NXNL1: variants seen among roughly 807,000 people sequenced by gnomAD.
NXNL1 encodes the protein nucleoredoxin-like protein 1.
Under a neutral mutation model 7.2 loss-of-function variants are expected in NXNL1, and 6 were observed. The ratio of observed to expected loss-of-function variants is 0.83; its 90% CI spans 0.46 to 1.64. NXNL1 has a LOEUF of 1.64. NXNL1 is among the 40% of genes most tolerant of loss of function. The pLI, the probability that NXNL1 is intolerant of heterozygous loss-of-function variation, is 0.01. For synonymous variants in NXNL1, 133 were observed against 127.2 expected, an observed-to-expected ratio of 1.05 and a Z score of -0.31; for missense variants, 308 against 285.1, an observed-to-expected ratio of 1.08 and a Z score of -0.58.
At chr19:17,459,015 C>A (rs1318465897) in intron 1 of NXNL1, among the ~76,000 whole-genome samples, 9 of 152,110 alleles carry the variant, frequency 5.9e-5, no homozygotes, top group Non-Finnish European at 1.2e-4. Context: ...CCTGCCTCAG[C>A]CTCCAAAAGT....
rs545840371 is a variant in NXNL1, at chr19:17,455,470, CTT to C, written c.*175_*176del. 2.4e-5 allele frequency: 14 copies of C among 590,050 alleles called. No homozygotes were observed. Among genetic ancestry groups the C allele is most frequent in the Non-Finnish European group, 4.2e-5 (14 of 333,328 alleles). The allele number at this position is 590,050 out of a possible 1,614,324, so 36.6% of individuals were successfully genotyped here. A position where few individuals can be genotyped will look rare whatever the true frequency, so the allele number is the denominator to read the frequency against. The stretch of plus-strand genomic sequence containing the variant: ...GGTGCGCGCCACCACACCGGGCTAA[CTT>C]TTAATTTTCGTAGAGTCAGGGTCTC... On this transcript the variant is annotated 3_prime_UTR_variant, in exon 2 of 2. Coordinates refer to ENST00000301944, the MANE Select transcript of NXNL1 (RefSeq NM_138454.2).
rs559429857 is a variant in NXNL1, at chr19:17,456,188, T to G, written c.327-229A>C. ...AACCTCGGGGCATTTGTGCTGGCTG[T>G]GCCCACGTCTGGAGCGCTCTCCTCA... On this transcript the variant is annotated intron_variant, in intron 1 of 1. Coordinates refer to ENST00000301944, the MANE Select transcript of NXNL1 (RefSeq NM_138454.2). 2.0e-5 allele frequency among the ~76,000 whole-genome samples: 3 copies of G among 152,176 alleles called. No homozygotes were observed. The East Asian group carries it at 5.8e-4, about 29-fold the overall frequency.
chr19:17,455,691 C>CCCCGGG lies in NXNL1; in HGVS notation c.594_595insCCCGGG (p.Pro198_Gly199insProGly). 18 of 1,513,670 alleles carry CCCCGGG rather than the reference C, an allele frequency of 1.2e-5. No homozygotes were observed. Among genetic ancestry groups the CCCCGGG allele is most frequent in the Non-Finnish European group, 1.6e-5 (18 of 1,130,258 alleles). The allele number at this position is 1,513,670 out of a possible 1,614,324, so 93.8% of individuals were successfully genotyped here. A position where few individuals can be genotyped will look rare whatever the true frequency, so the allele number is the denominator to read the frequency against. On this transcript the variant is annotated inframe_insertion, in exon 2 of 2. Coordinates refer to ENST00000301944, the MANE Select transcript of NXNL1 (RefSeq NM_138454.2). ...CCGCCCTCCTCCCCACCCCCTCCCC[C>CCCCGGG]GGGGTCGCGCCCGCCTCGCGCCGCC...
Position 17,460,710 on chromosome 19 carries a change from G to A in NXNL1, c.160C>T (p.Leu54Phe). The change falls in exon 1 of 2, where the codon CTC (leucine) becomes TTC (phenylalanine). Residue 54 changes from leucine to phenylalanine, a missense_variant. Leu to Phe is a conservative substitution (Grantham distance 22). Coordinates refer to ENST00000301944, the MANE Select transcript of NXNL1 (RefSeq NM_138454.2). ...GTGAGCCGCACGAAGAAGTCCTTGA[G>A]GATGGGCACGAAGGCCTGGCACTGT... Reference protein sequence around the residue: ...CPQCQAFVPILKDFFVRLTDE... With the variant: ...CPQCQAFVPIFKDFFVRLTDE... 2 of 1,613,872 alleles carry A rather than the reference G, an allele frequency of 1.2e-6. No individual in the cohort carries two copies. Among genetic ancestry groups the A allele is most frequent in the Non-Finnish European group, 1.7e-6 (2 of 1,180,044 alleles).
chr19:17,455,747 C>T lies in NXNL1; in HGVS notation c.539G>A (p.Cys180Tyr), dbSNP rs1209257168. Residue 180 changes from cysteine to tyrosine, a missense_variant, in exon 2 of 2, where the codon TGC (cysteine) becomes TAC (tyrosine). Coordinates refer to ENST00000301944, the MANE Select transcript of NXNL1 (RefSeq NM_138454.2). ...CACGCGGTACTTGTGGCGGCGCAGG[C>T]ACTCGGTGAGGCTCCGTGGCTCCTG... ...EDQEPRSLTE[C>Y]LRRHKYRVEK... 6.6e-7 allele frequency: 1 copy of T among 1,517,398 alleles called. No homozygotes were observed. The highest frequency in any genetic ancestry group is 8.8e-7 in the Non-Finnish European group (1 of 1,135,294). 94.0% of individuals were successfully genotyped at this position (1,517,398 alleles called of 1,614,324 possible).
Position 17,455,972 on chromosome 19 carries a change from C to T in NXNL1, c.327-13G>A. On this transcript the variant is annotated splice_polypyrimidine_tract_variant and intron_variant, in intron 1 of 1. Transcript: ENST00000301944. Reference sequence around the variant, plus strand: ...GCGCCCGAGGTCCCTGCGGAGCGGGCAGGTCAGTCTGGACGGATCCACATC... The same window carrying T: ...GCGCCCGAGGTCCCTGCGGAGCGGGTAGGTCAGTCTGGACGGATCCACATC... 1 of 1,597,556 alleles carries T rather than the reference C, an allele frequency of 6.3e-7. No homozygotes were observed. The highest frequency in any genetic ancestry group is 8.5e-7 in the Non-Finnish European group (1 of 1,179,524).
In NXNL1 at chr19:17,455,689, C is replaced by T. The variant is rs1418307087; in HGVS notation, c.597G>A (p.Gly199=). ...EKAARGGRDP[G]GGGGEEGGAG... is the part of the protein sequence containing the mutation. ...CCCCGCCCTCCTCCCCACCCCCTCCCCCGGGGTCGCGCCCGCCTCGCGCCG... is the reference window on the plus strand; with the variant it reads ...CCCCGCCCTCCTCCCCACCCCCTCCTCCGGGGTCGCGCCCGCCTCGCGCCG... Residue 199 remains glycine (G), a synonymous_variant, in exon 2 of 2, where the codon GGG becomes GGA. Coordinates refer to ENST00000301944, the MANE Select transcript of NXNL1 (RefSeq NM_138454.2). 17 of 1,524,264 alleles carry T rather than the reference C, an allele frequency of 1.1e-5. No homozygotes were observed. Among genetic ancestry groups the T allele is most frequent in the Non-Finnish European group, 1.4e-5 (16 of 1,139,040 alleles). 94.4% of individuals were successfully genotyped at this position (1,524,264 alleles called of 1,614,324 possible). A position where few individuals can be genotyped will look rare whatever the true frequency, so the allele number is the denominator to read the frequency against.
chr19:17,455,881 G>A lies in NXNL1; in HGVS notation c.405C>T (p.Arg135=), dbSNP rs776818552. 1 of 1,591,816 alleles carries A rather than the reference G, an allele frequency of 6.3e-7. No individual in the cohort carries two copies. Among genetic ancestry groups the A allele is most frequent in the Admixed American group, 1.7e-5 (1 of 59,186 alleles). ...GGCGCTGGATCTCGTCGGCGCCGTC[G>A]CGAGTGAGCACGTCCCCGTCCGGCT... ...VLKPDGDVLT[R]DGADEIQRLG... The change falls in exon 2 of 2, where the codon CGC becomes CGT. Residue 135 remains arginine, a synonymous_variant. Transcript: ENST00000301944.
Position 17,455,560 on chromosome 19 carries a change from C to G in NXNL1, c.*87G>C, listed in dbSNP as rs2074988776. ...AAGCGATCCTCCCGCCTTGGCCTCC[C>G]CAAGTGCTGGGATTACAGGCGTGCG... is the stretch of plus-strand genomic sequence containing the variant. On this transcript the variant is annotated 3_prime_UTR_variant, in exon 2 of 2. Transcript: ENST00000301944. 1 of 838,902 alleles carries G rather than the reference C, an allele frequency of 1.2e-6. No homozygotes were observed. The highest frequency in any genetic ancestry group is 2.7e-5 in the Admixed American group (1 of 37,254). 52.0% of individuals were successfully genotyped at this position (838,902 alleles called of 1,614,324 possible).
intron 1 of NXNL1, 113 bp downstream of exon 1, chr19:17,460,431 C>T: frequency 8.7e-7 from 1 of 1,156,022 alleles, no homozygotes. Flanking sequence ...CCCCCTAGTT[C>T]CCAGTATATG....
rs192929983 is a variant in NXNL1, at chr19:17,455,911, C to T, written c.375G>A (p.Val125=). Residue 125 remains valine (V), a synonymous_variant, in exon 2 of 2, where the codon GTG becomes GTA. Coordinates refer to ENST00000301944, the MANE Select transcript of NXNL1 (RefSeq NM_138454.2). ...FSVERLPAVV[V]LKPDGDVLTR... ...TGAGCACGTCCCCGTCCGGCTTGAG[C>T]ACCACGACCGCCGGCAGGCGCTCCA... 14 of 1,595,390 alleles carry T rather than the reference C, an allele frequency of 8.8e-6. No individual in the cohort carries two copies. In the Admixed American group the frequency reaches 1.3e-4, roughly 15 times the overall value.
intron 1 of NXNL1, among the ~76,000 whole-genome samples, chr19:17,460,022 G>T (rs1464138109): frequency 6.6e-6 from 1 of 150,422 alleles, no homozygotes; most frequent in Non-Finnish European, 1.5e-5. Context: ...TTTGTTTTTT[G>T]ATTTTTTAGA....
chr19:17,457,166 G>A (rs537390160), intron 1 of NXNL1, among the ~76,000 whole-genome samples: 13 of 151,642 alleles, frequency 8.6e-5, no homozygotes, highest in African/African-American at 3.1e-4. Context: ...GGGAGGCCGA[G>A]GTGGGAGGAT....
Position 17,455,675 on chromosome 19 carries a change from T to TCCCCCCCC in NXNL1, c.610_611insGGGGGGGG (p.Glu204GlyfsTer63). The TCCCCCCCC allele has an allele frequency of 4.9e-6, 2 of 404,328 alleles. No homozygotes were observed. The highest frequency in any genetic ancestry group is 3.5e-6 in the Non-Finnish European group (1 of 286,128). The allele number at this position is 404,328 out of a possible 1,614,324, so 25.0% of individuals were successfully genotyped here. A position where few individuals can be genotyped will look rare whatever the true frequency, so the allele number is the denominator to read the frequency against. ...GAACAGCCCCCCGGCCCCGCCCTCCTCCCCACCCCCTCCCCCGGGGTCGCG... is the reference window on the plus strand; with the variant it reads ...GAACAGCCCCCCGGCCCCGCCCTCCTCCCCCCCCCCCCACCCCCTCCCCCGGGGTCGCG... On this transcript the variant is annotated frameshift_variant, in exon 2 of 2. Transcript: ENST00000301944. LOFTEE classifies it high-confidence loss of function.
rs746563428 is a variant in NXNL1, at chr19:17,455,948, C to T, written c.338G>A (p.Arg113His). The T allele has an allele frequency of 6.3e-7, 1 of 1,597,450 alleles. No homozygotes were observed. Among genetic ancestry groups the T allele is most frequent in the Non-Finnish European group, 8.5e-7 (1 of 1,179,414 alleles). ...CGGCAGGCGCTCCACTGAGAACTGG[C>T]GCCCGAGGTCCCTGCGGAGCGGGCA... ...FEDDLRRDLGRQFSVERLPAV... is the reference protein window; with the variant it reads ...FEDDLRRDLGHQFSVERLPAV... The change falls in exon 2 of 2, where the codon CGC becomes CAC. Residue 113 changes from arginine to histidine, a missense_variant. Coordinates refer to ENST00000301944, the MANE Select transcript of NXNL1 (RefSeq NM_138454.2).
chr19:17,460,689 GC>G lies in NXNL1; in HGVS notation c.180del (p.Leu61SerfsTer47). 6.2e-7 allele frequency: 1 copy of G among 1,613,838 alleles called. No individual in the cohort carries two copies. Among genetic ancestry groups the G allele is most frequent in the East Asian group, 2.2e-5 (1 of 44,872 alleles). On this transcript the variant is annotated frameshift_variant, in exon 1 of 2. Transcript: ENST00000301944. LOFTEE classifies it high-confidence loss of function. Reference sequence around the variant, plus strand: ...CGCAGTACATAGAACTCATCTGTGAGCCGCACGAAGAAGTCCTTGAGGATGG... The same window carrying G: ...CGCAGTACATAGAACTCATCTGTGAGCGCACGAAGAAGTCCTTGAGGATGG... ...FVPILKDFFV[R>X]LTDEFYVLRA...
Position 17,455,590 on chromosome 19 carries a change from TG to T in NXNL1, c.*56del. The T allele has an allele frequency of 5.7e-6, 6 of 1,055,540 alleles. No individual in the cohort carries two copies. Among genetic ancestry groups the T allele is most frequent in the Non-Finnish European group, 8.2e-6 (6 of 734,534 alleles). 65.4% of individuals were successfully genotyped at this position (1,055,540 alleles called of 1,614,324 possible). A position where few individuals can be genotyped will look rare whatever the true frequency, so the allele number is the denominator to read the frequency against. On this transcript the variant is annotated 3_prime_UTR_variant, in exon 2 of 2. Transcript: ENST00000301944. ...TGCTGGGATTACAGGCGTGCGGGGG[TG>T]GGGTGGGGGTGGAGGTTCATCAACA... is the stretch of plus-strand genomic sequence containing the variant.
At position 17,455,667 on chromosome 19, in the gene NXNL1, C is replaced by CCCCCCCCCCCCCCCCCCCCCCCCCCCGGG; in HGVS notation, c.618_619insCCCGGGGGGGGGGGGGGGGGGGGGGGGGG (p.Gly207ProfsTer67). On this transcript the variant is annotated frameshift_variant, in exon 2 of 2. Coordinates refer to ENST00000301944, the MANE Select transcript of NXNL1 (RefSeq NM_138454.2). LOFTEE classifies it high-confidence loss of function. ...GCGGGTCAGAACAGCCCCCCGGCCC[C>CCCCCCCCCCCCCCCCCCCCCCCCCCCGGG]GCCCTCCTCCCCACCCCCTCCCCCG... The CCCCCCCCCCCCCCCCCCCCCCCCCCCGGG allele has an allele frequency of 3.8e-6, 3 of 787,790 alleles. No individual in the cohort carries two copies. Among genetic ancestry groups the CCCCCCCCCCCCCCCCCCCCCCCCCCCGGG allele is most frequent in the South Asian group, 1.5e-5 (1 of 67,138 alleles). The allele number at this position is 787,790 out of a possible 1,614,324, so 48.8% of individuals were successfully genotyped here. A position where few individuals can be genotyped will look rare whatever the true frequency, so the allele number is the denominator to read the frequency against.
chr19:17,456,663 C>G (rs999086518), intron 1 of NXNL1, among the ~76,000 whole-genome samples: 47 of 152,042 alleles, frequency 3.1e-4, no homozygotes, highest in Non-Finnish European at 6.3e-4. Flanking sequence ...AGGCGGATCA[C>G]CGGAGGCCAG....
Sources: allele counts gnomAD v4.1 joint callset (sites outside exome capture counted in the v4.1 genomes callset), GRCh38; gene constraint gnomAD v4.1.1; transcripts MANE v1.5; gene names NCBI Gene and HGNC (gene_info 2026-07-23, HGNC 2026-07-21).